ADAMTSL1: variants seen among roughly 807,000 people sequenced by gnomAD.
ADAMTSL1 encodes ADAMTS like 1, also known as ADAMTS-like protein 1.
ADAMTSL1 carries 126 observed loss-of-function variants against 201.8 expected under a neutral mutation model. The observed-to-expected ratio is 0.62, with a 90% CI of 0.54 to 0.72. ADAMTSL1 has a LOEUF of 0.72. Among genes scored for constraint, ADAMTSL1 ranks in the 30% least tolerant of loss-of-function variants. ADAMTSL1 has a pLI of 0.00. For missense variants in ADAMTSL1, 2,679 were observed against 2,277.8 expected, an observed-to-expected ratio of 1.18 and a Z score of -3.59; for synonymous variants, 1,121 against 903.4, an observed-to-expected ratio of 1.24 and a Z score of -4.32.
At chr9:18,866,325 G>C (rs1827540790) in intron 23 of ADAMTSL1, among the ~76,000 whole-genome samples, 1 of 152,088 alleles carries the variant, frequency 6.6e-6, no homozygotes, top group Non-Finnish European at 1.5e-5. Context: ...TGTACACACA[G>C]AGACATGCAC....
At chr9:18,680,560 C>T (rs1316990981) in intron 11 of ADAMTSL1, 44 bp downstream of exon 11, 8 of 1,599,592 alleles carry the variant, frequency 5.0e-6, no homozygotes, top group South Asian at 4.4e-5. Flanking sequence ...AGTAAGTCCA[C>T]TCTTCCCTCT....
chr9:18,048,885 A>C lies in ADAMTSL1; in HGVS notation c.88-114977A>C, dbSNP rs181029528. Reference sequence around the variant, plus strand: ...CAAACTGGGTGGTTTAAAACAACAGAAATGTACTTTTTGACAGTTCAGGGG... The same window carrying C: ...CAAACTGGGTGGTTTAAAACAACAGCAATGTACTTTTTGACAGTTCAGGGG... On this transcript the variant is annotated intron_variant, in intron 1 of 29. Coordinates refer to the ADAMTSL1 transcript ENST00000680146. Among the ~76,000 whole-genome samples the C allele has an allele frequency of 1.0e-3, 153 of 152,300 alleles. 1 individual carries two copies. The highest frequency in any genetic ancestry group is 3.7e-3 in the African/African-American group (152 of 41,570).
chr9:18,001,003 G>A (rs1336482702), intron 1 of ADAMTSL1, among the ~76,000 whole-genome samples: 1 of 151,998 alleles, frequency 6.6e-6, no homozygotes, highest in East Asian at 1.9e-4. Flanking sequence ...AATCCCATCA[G>A]GACTGTATCC....
intron 19 of ADAMTSL1, among the ~76,000 whole-genome samples, chr9:18,791,764 T>C (rs1192584204): frequency 6.6e-6 from 1 of 152,214 alleles, no homozygotes; most frequent in Non-Finnish European, 1.5e-5. Context: ...ATATAGTGTT[T>C]ATGGAATAAT....
intron 2 of ADAMTSL1, among the ~76,000 whole-genome samples, chr9:18,254,559 T>G (rs1180486392): frequency 6.6e-6 from 1 of 151,706 alleles, no homozygotes; most frequent in Non-Finnish European, 1.5e-5. Flanking sequence ...AAGACGGGGT[T>G]TCACCATGTT....
At chr9:18,470,392 TC>T (rs530093696), upstream of ADAMTSL1, among the ~76,000 whole-genome samples, 93 of 152,334 alleles carry the variant, frequency 6.1e-4, 1 homozygote, top group Admixed American at 9.2e-4. Flanking sequence ...GCAGTCTGCT[TC>T]CTATACTTTT....
intron 1 of ADAMTSL1, among the ~76,000 whole-genome samples, chr9:18,081,597 G>A (rs1006089260): frequency 2.6e-5 from 4 of 152,150 alleles, no homozygotes; most frequent in Non-Finnish European, 5.9e-5. Flanking sequence ...TGGGCCCAGT[G>A]CATGTTGTTT....
chr9:18,795,609 A>G (rs1358095971), intron 20 of ADAMTSL1, 85 bp downstream of exon 20: 6 of 1,420,408 alleles, frequency 4.2e-6, no homozygotes, highest in East Asian at 2.5e-5. Context: ...CCAGAGATGC[A>G]TAGATAAAGG....
chr9:18,904,355 G>T (rs1830170232), intron 26 of ADAMTSL1, among the ~76,000 whole-genome samples: 1 of 151,988 alleles, frequency 6.6e-6, no homozygotes, highest in Non-Finnish European at 1.5e-5. Flanking sequence ...TGTAGTCCCA[G>T]CTACTTGGGA....
At chr9:18,342,262 G>T (rs897848221) in intron 2 of ADAMTSL1, among the ~76,000 whole-genome samples, 3 of 152,070 alleles carry the variant, frequency 2.0e-5, no homozygotes, top group Non-Finnish European at 4.4e-5. Flanking sequence ...TCTTTTCCTG[G>T]ATCTTCCTTT....
intron 2 of ADAMTSL1, among the ~76,000 whole-genome samples, chr9:18,261,245 T>G (rs1286265588): frequency 6.6e-6 from 1 of 152,112 alleles, no homozygotes; most frequent in East Asian, 1.9e-4. Context: ...AATAGACTTG[T>G]GGTTGCTTGA....
intron 2 of ADAMTSL1, among the ~76,000 whole-genome samples, chr9:18,449,797 T>G (rs1414254771): frequency 6.6e-6 from 1 of 152,138 alleles, no homozygotes; most frequent in East Asian, 1.9e-4. Flanking sequence ...TTATTAGTCA[T>G]TAGGCAAATG....
chr9:18,574,009 C>G lies in ADAMTSL1; in HGVS notation c.238-21C>G, dbSNP rs185147701. The G allele has an allele frequency of 1.9e-5, 31 of 1,602,838 alleles. No homozygotes were observed. The Admixed American group carries it at 3.2e-4, about 16-fold the overall frequency. ...GGTATCCTCCTAACCTTTGTATGTC[C>G]TTTCTCTCTTTTTTCTCCAGGACTG... On this transcript the variant is annotated intron_variant, in intron 3 of 28. Transcript: ENST00000380548.
intron 23 of ADAMTSL1, among the ~76,000 whole-genome samples, chr9:18,846,002 T>G (rs1223579623): frequency 6.6e-6 from 1 of 152,202 alleles, no homozygotes; most frequent in African/African-American, 2.4e-5. Flanking sequence ...ATAGTTCCAT[T>G]TACTTATTCA....
chr9:18,141,541 G>C (rs765598010), intron 1 of ADAMTSL1, among the ~76,000 whole-genome samples: 2 of 152,190 alleles, frequency 1.3e-5, no homozygotes, highest in Admixed American at 6.5e-5. Flanking sequence ...TAACCAGCTA[G>C]AGGCAGCACA....
rs772715488 is a variant in ADAMTSL1, at chr9:18,826,266, T to G, written c.3935-18T>G. The stretch of plus-strand genomic sequence containing the variant: ...TGACTGATGAGTGGGGTTTTTTGTT[T>G]TTTTTTTTTCTTCCTAGGAGTGCCT... On this transcript the variant is annotated intron_variant, in intron 21 of 28. Coordinates refer to ENST00000380548, the MANE Select transcript of ADAMTSL1 (RefSeq NM_001040272.6). 3.2e-6 allele frequency: 5 copies of G among 1,577,464 alleles called. No individual in the cohort carries two copies. The highest frequency in any genetic ancestry group is 1.1e-5 in the South Asian group (1 of 87,518).
chr9:18,172,709 A>G (rs552311270), intron 2 of ADAMTSL1, among the ~76,000 whole-genome samples: 10 of 152,270 alleles, frequency 6.6e-5, no homozygotes, highest in Admixed American at 2.6e-4. Flanking sequence ...GAAAATCATG[A>G]ATATCCATCA....
chr9:18,516,718 G>A (rs1564011506), intron 2 of ADAMTSL1, among the ~76,000 whole-genome samples: 1 of 152,156 alleles, frequency 6.6e-6, no homozygotes, highest in Non-Finnish European at 1.5e-5. Flanking sequence ...GGCAGTGCCT[G>A]GAACAGAACA....
upstream of ADAMTSL1, among the ~76,000 whole-genome samples, chr9:18,471,559 A>G (rs1035083391): frequency 2.0e-5 from 3 of 152,176 alleles, no homozygotes; most frequent in Non-Finnish European, 4.4e-5. Context: ...TTTCCCAGTC[A>G]CCTTAACCCA....
Sources: allele counts gnomAD v4.1 joint callset (sites outside exome capture counted in the v4.1 genomes callset), GRCh38; gene constraint gnomAD v4.1.1; transcripts MANE v1.5; gene names NCBI Gene and HGNC (gene_info 2026-07-23, HGNC 2026-07-21).